The following DIS3L2 variants were observed in gnomAD, a reference collection of about 807,000 sequenced individuals.
DIS3L2 encodes the protein DIS3 like 3'-5' exoribonuclease 2.
A neutral mutation model predicts 97.5 loss-of-function variants in DIS3L2; 34 were observed. The observed-to-expected ratio is 0.35, with a 90% CI of 0.27 to 0.46. DIS3L2 has a LOEUF of 0.46. DIS3L2 is among the 20% of genes least tolerant of loss of function. The pLI is 1.00. For synonymous variants in DIS3L2, 435 were observed against 445.2 expected, an observed-to-expected ratio of 0.98 and a Z score of 0.29; for missense variants, 1,038 against 1,146.0, an observed-to-expected ratio of 0.91 and a Z score of 1.36.
At chr2:232,300,146 C>T (rs1433509417) in intron 14 of DIS3L2, 27 bp downstream of exon 14, 1 of 1,606,492 alleles carries the variant, frequency 6.2e-7, no homozygotes. Context: ...GAAAGAGTGT[C>T]ACTTCACATG....
chr2:232,222,016 C>T (rs1692521787), intron 10 of DIS3L2, among the ~76,000 whole-genome samples: 2 of 147,468 alleles, frequency 1.4e-5, no homozygotes, highest in South Asian at 4.3e-4. Context: ...GATCTCGGCT[C>T]ACTGCAACCT....
At chr2:232,327,078 G>C (rs938135272) in intron 14 of DIS3L2, among the ~76,000 whole-genome samples, 1 of 152,160 alleles carries the variant, frequency 6.6e-6, no homozygotes, top group African/African-American at 2.4e-5. Flanking sequence ...TGTGGAGAGC[G>C]CCTGCAGGAA....
chr2:232,257,140 T>C (rs1171880709), intron 12 of DIS3L2, among the ~76,000 whole-genome samples: 3 of 152,212 alleles, frequency 2.0e-5, no homozygotes, highest in Admixed American at 6.5e-5. Flanking sequence ...AGTCTAGATA[T>C]TCATGCCTTA....
chr2:232,035,377 T>G lies in DIS3L2; in HGVS notation c.366+5297T>G, dbSNP rs142153775. Among the ~76,000 whole-genome samples the G allele has an allele frequency of 5.8e-3, 877 of 152,350 alleles. 6 individuals are homozygous for G. Among genetic ancestry groups the G allele is most frequent in the African/African-American group, 0.019 (810 of 41,578 alleles). ...TAAATATTCCTCCATCCCTTTATAT[T>G]GAGCCTATGTGTGTCTCTGCACGTG... On this transcript the variant is annotated intron_variant, in intron 5 of 20. Transcript: ENST00000325385.
chr2:232,329,785 T>TCCCGGGGGGACC, intron 14 of DIS3L2, 28 bp from the exon 15 acceptor site: 1 of 967,144 alleles, frequency 1.0e-6, no homozygotes, highest in Non-Finnish European at 1.5e-6. Flanking sequence ...ACCCCAGCGG[T>TCCCGGGGGGACC]CCCTCCCATC....
intron 9 of DIS3L2, among the ~76,000 whole-genome samples, chr2:232,201,852 A>G (rs1438161773): frequency 1.3e-5 from 2 of 152,222 alleles, no homozygotes; most frequent in Non-Finnish European, 2.9e-5. Flanking sequence ...GAAGGAGGAA[A>G]AAAGATAAAG....
chr2:232,083,755 A>G (rs1042093715), intron 5 of DIS3L2, among the ~76,000 whole-genome samples: 3 of 152,134 alleles, frequency 2.0e-5, no homozygotes, highest in Non-Finnish European at 4.4e-5. Context: ...TTGTCCTTCC[A>G]AAGTGCTGGG....
intron 9 of DIS3L2, among the ~76,000 whole-genome samples, chr2:232,168,541 A>T (rs1223129064): frequency 6.6e-6 from 1 of 152,136 alleles, no homozygotes; most frequent in African/African-American, 2.4e-5. Flanking sequence ...AGCTAAAACT[A>T]GACAATATCC....
At chr2:232,212,977 A>C (rs1692231351) in intron 10 of DIS3L2, among the ~76,000 whole-genome samples, 1 of 152,144 alleles carries the variant, frequency 6.6e-6, no homozygotes, top group Non-Finnish European at 1.5e-5. Flanking sequence ...TTTGGGAGAG[A>C]GTATGTTGGC....
At chr2:232,321,486 A>T (rs546103625) in intron 14 of DIS3L2, among the ~76,000 whole-genome samples, 11 of 152,152 alleles carry the variant, frequency 7.2e-5, no homozygotes, top group Admixed American at 7.2e-4. Context: ...GGCCTTCCGC[A>T]TCCCACTGCT....
At chr2:232,266,184 G>A (rs751904360) in intron 13 of DIS3L2, among the ~76,000 whole-genome samples, 3 of 152,336 alleles carry the variant, frequency 2.0e-5, no homozygotes, top group Non-Finnish European at 2.9e-5. Flanking sequence ...TGAGGATAGG[G>A]TATAGTTGTC....
intron 5 of DIS3L2, among the ~76,000 whole-genome samples, chr2:232,068,409 T>TA (rs5839428): frequency 7.4e-5 from 10 of 134,898 alleles, no homozygotes; most frequent in East Asian, 6.5e-4. Flanking sequence ...CTATTGCTAC[T>TA]AAAAAAAAAA....
chr2:232,036,364 T>A (rs1297071320), intron 5 of DIS3L2, among the ~76,000 whole-genome samples: 1 of 152,252 alleles, frequency 6.6e-6, no homozygotes, highest in Non-Finnish European at 1.5e-5. Flanking sequence ...GTTTTTTAGC[T>A]CTATCTAGTC....
At chr2:232,197,934 C>T (rs1215831761) in intron 9 of DIS3L2, among the ~76,000 whole-genome samples, 1 of 151,244 alleles carries the variant, frequency 6.6e-6, no homozygotes, top group Non-Finnish European at 1.5e-5. Flanking sequence ...CACTGCACTC[C>T]AGCCTGGGCG....
Position 232,330,760 on chromosome 2 carries a change from G to T in DIS3L2, c.1994G>T (p.Cys665Phe), listed in dbSNP as rs778990530. 1 of 1,612,090 alleles carries T rather than the reference G, an allele frequency of 6.2e-7. No individual in the cohort carries two copies. Among genetic ancestry groups the T allele is most frequent in the African/African-American group, 1.3e-5 (1 of 75,074 alleles). The change falls in exon 16 of 21, where the codon TGC (cysteine) becomes TTC (phenylalanine). Residue 665 changes from cysteine (C) to phenylalanine (F), a missense_variant. Coordinates refer to ENST00000325385, the MANE Select transcript of DIS3L2 (RefSeq NM_152383.5). ...LARKEVLTNM[C>F]SRPMQMALYF... ...CGCAAGGAGGTGCTCACCAACATGTGCTCCCGGCCCATGCAGGTAAGGAGG... is the reference window on the plus strand; with the variant it reads ...CGCAAGGAGGTGCTCACCAACATGTTCTCCCGGCCCATGCAGGTAAGGAGG...
At chr2:232,013,020 A>G (rs1440890856) in intron 1 of DIS3L2, among the ~76,000 whole-genome samples, 1 of 152,102 alleles carries the variant, frequency 6.6e-6, no homozygotes, top group Non-Finnish European at 1.5e-5. Context: ...CATCTTCTCT[A>G]ACTTTACCAA....
At chr2:232,216,676 T>G (rs1251883190) in intron 10 of DIS3L2, among the ~76,000 whole-genome samples, 1 of 152,158 alleles carries the variant, frequency 6.6e-6, no homozygotes, top group Non-Finnish European at 1.5e-5. Context: ...ATATTTGATA[T>G]GTTTATGTTG....
chr2:232,126,075 A>G (rs1398099367), intron 6 of DIS3L2, among the ~76,000 whole-genome samples: 1 of 152,182 alleles, frequency 6.6e-6, no homozygotes, highest in African/African-American at 2.4e-5. Context: ...CATTATCTTA[A>G]TTTGGGTTCT....
In DIS3L2 at chr2:232,334,404, C is replaced by G. The variant is rs1215542783; in HGVS notation, c.2194C>G (p.Leu732Val). ...RERLDMAPDT[L>V]QKQADHCNDR... ...GCGACTAGACATGGCGCCCGATACCCTGCAGAAACAGGCGGACCACTGTAA... is the reference window on the plus strand; with the variant it reads ...GCGACTAGACATGGCGCCCGATACCGTGCAGAAACAGGCGGACCACTGTAA... Residue 732 changes from leucine (L) to valine (V), a missense_variant, in exon 18 of 21, where the codon CTG becomes GTG. This residue lies in a region of DIS3L2 where 221 missense variants were observed against 246.9 expected (regional missense o/e 0.90). Coordinates refer to ENST00000325385, the MANE Select transcript of DIS3L2 (RefSeq NM_152383.5). The G allele has an allele frequency of 2.5e-6, 4 of 1,613,786 alleles. No homozygotes were observed. Among genetic ancestry groups the G allele is most frequent in the Non-Finnish European group, 2.5e-6 (3 of 1,180,008 alleles).
Sources: gnomAD v4.1 joint callset for allele counts (sites outside exome capture counted in the v4.1 genomes callset) on GRCh38, gnomAD v4.1.1 for gene constraint, gnomAD v4.1.1 regional missense constraint, MANE v1.5 for transcripts, NCBI Gene and HGNC (gene_info 2026-07-23, HGNC 2026-07-21) for gene names.